RPS6: variants seen among roughly 807,000 people sequenced by gnomAD.
The protein encoded by RPS6 is small ribosomal subunit protein eS6.
Under a neutral mutation model 27.1 loss-of-function variants are expected in RPS6, and 1 was observed. The observed-to-expected ratio is 0.04, with a 90% CI of 0.01 to 0.18. The LOEUF (loss-of-function observed/expected upper bound fraction) is 0.18, where lower values mean the gene tolerates loss of function less well. Ranked by LOEUF, RPS6 falls within the 10% of genes least tolerant of loss-of-function variation. The probability of loss-of-function intolerance (pLI) is 1.00; values close to 1 mark genes in which losing one functional copy is unlikely to be tolerated. For synonymous variants in RPS6, 152 were observed against 106.0 expected (o/e 1.43, Z -2.66); for missense variants, 259 against 319.1 (o/e 0.81, Z 1.44).
chr9:19,378,585 G>T (rs1829627568), intron 3 of RPS6, 71 bp from the exon 4 acceptor site: 2 of 1,587,568 alleles, frequency 1.3e-6, no homozygotes, highest in East Asian at 4.5e-5. Context: ...AATGTTTAAT[G>T]TTGAATTGAT....
At position 19,378,922 on chromosome 9, in the gene RPS6, C is replaced by G; in HGVS notation, c.139-4G>C. On this transcript the variant is annotated splice_region_variant and splice_polypyrimidine_tract_variant and intron_variant, in intron 2 of 5. Coordinates refer to ENST00000380394, the MANE Select transcript of RPS6 (RefSeq NM_001010.3). ...CACTGATTCGGACCACATAACCCTG[C>G]AAGAGCATACAATGAATGACACATT... is the stretch of plus-strand genomic sequence containing the variant. 1 of 1,613,402 alleles carries G rather than the reference C, an allele frequency of 6.2e-7. No individual in the cohort carries two copies. Among genetic ancestry groups the G allele is most frequent in the African/African-American group, 1.3e-5 (1 of 75,038 alleles).
intron 5 of RPS6, 32 bp downstream of exon 5, chr9:19,376,462 C>G (rs781663589): frequency 6.2e-7 from 1 of 1,610,634 alleles, no homozygotes. Flanking sequence ...AGGTCGAACT[C>G]CTCCCACCCC....
In RPS6 at chr9:19,375,849, C is replaced by G. The variant is rs41270109; in HGVS notation, c.*444G>C. 430 of 114,170 alleles carry G rather than the reference C, an allele frequency of 3.8e-3. No homozygotes were observed. The highest frequency in any genetic ancestry group is 5.7e-3 in the Non-Finnish European group (327 of 57,186). The allele number at this position is 114,170 out of a possible 1,614,324, so 7.1% of individuals were successfully genotyped here. Reference sequence around the variant, plus strand: ...AAAACCATTTAGTGGATGGTATCCACTAAAACTAGGTATCCACTAAAACTA... The same window carrying G: ...AAAACCATTTAGTGGATGGTATCCAGTAAAACTAGGTATCCACTAAAACTA... On this transcript the variant is annotated 3_prime_UTR_variant, in exon 6 of 6. Coordinates refer to ENST00000380394, the MANE Select transcript of RPS6 (RefSeq NM_001010.3).
In RPS6 at chr9:19,375,836, T is replaced by C. The variant is rs1829564014; in HGVS notation, c.*457A>G. The C allele has an allele frequency of 6.6e-6, 1 of 152,274 alleles. No homozygotes were observed. The highest frequency in any genetic ancestry group is 6.5e-5 in the Admixed American group (1 of 15,274). 9.4% of individuals were successfully genotyped at this position (152,274 alleles called of 1,614,324 possible). A position where few individuals can be genotyped will look rare whatever the true frequency, so the allele number is the denominator to read the frequency against. ...TTGAAATGGCTTAAAAACCATTTAG[T>C]GGATGGTATCCACTAAAACTAGGTA... On this transcript the variant is annotated 3_prime_UTR_variant, in exon 6 of 6. Transcript: ENST00000380394.
intron 1 of RPS6, chr9:19,379,894 C>T (rs1829650622): frequency 7.0e-7 from 1 of 1,423,604 alleles, no homozygotes; most frequent in East Asian, 2.6e-5. Context: ...GCAAGAAAGC[C>T]GGGGTCAAGA....
intron 4 of RPS6, 41 bp downstream of exon 4, chr9:19,378,327 T>C (rs775150456): frequency 3.8e-6 from 6 of 1,599,878 alleles, no homozygotes; most frequent in Non-Finnish European, 5.1e-6. Flanking sequence ...ATAGACAAAT[T>C]ACCAAAATTA....
In RPS6 at chr9:19,380,197, T is replaced by C. The variant is rs200083793; in HGVS notation, c.-2A>G. ...CTCGCCACCATCACCTACCTTCATCTTGAAGCAGCTGAACGCCTCCGAGGC... is the reference window on the plus strand; with the variant it reads ...CTCGCCACCATCACCTACCTTCATCCTGAAGCAGCTGAACGCCTCCGAGGC... On this transcript the variant is annotated 5_prime_UTR_variant, in exon 1 of 6. Coordinates refer to ENST00000380394, the MANE Select transcript of RPS6 (RefSeq NM_001010.3). The C allele has an allele frequency of 1.9e-6, 3 of 1,613,332 alleles. No homozygotes were observed. The highest frequency in any genetic ancestry group is 1.7e-5 in the Admixed American group (1 of 60,012).
chr9:19,376,632 T>C lies in RPS6; in HGVS notation c.516A>G (p.Lys172=). 1 of 1,612,742 alleles carries C rather than the reference T, an allele frequency of 6.2e-7. No homozygotes were observed. The highest frequency in any genetic ancestry group is 8.5e-7 in the Non-Finnish European group (1 of 1,179,720). Residue 172 remains lysine (K), a synonymous_variant, in exon 5 of 6, where the codon AAA becomes AAG. Coordinates refer to ENST00000380394, the MANE Select transcript of RPS6 (RefSeq NM_001010.3). Reference sequence around the variant, plus strand: ...TAACAAGACGCTGAATCTTGGGTGCTTTGGTCCTAGGTTTCTTACCTAAAA... The same window carrying C: ...TAACAAGACGCTGAATCTTGGGTGCCTTGGTCCTAGGTTTCTTACCTAAAA... ...LNKEGKKPRT[K]APKIQRLVTP...
Position 19,379,572 on chromosome 9 carries a change from A to T in RPS6, c.53T>A (p.Val18Glu), listed in dbSNP as rs1829645065. ...AGTACGAAGTTTGCGTTCATCGTCC[A>T]CTTCAATGAGTTTCTGGCAGCCAGT... is the stretch of plus-strand genomic sequence containing the variant. ...PATGCQKLIEVDDERKLRTFY... is the reference protein window; with the variant it reads ...PATGCQKLIEEDDERKLRTFY... Residue 18 changes from valine to glutamate, a missense_variant, in exon 2 of 6, where the codon GTG becomes GAG. Physicochemically the swap from Val to Glu is moderately radical, Grantham distance 121. Around this residue, in one of 3 missense-constraint regions of RPS6, gnomAD observed 65 missense variants for 66.6 expected, o/e 0.98. Transcript: ENST00000380394. 1 of 1,614,036 alleles carries T rather than the reference A, an allele frequency of 6.2e-7. No homozygotes were observed. Among genetic ancestry groups the T allele is most frequent in the Non-Finnish European group, 8.5e-7 (1 of 1,180,042 alleles).
Position 19,379,577 on chromosome 9 carries a change from A to T in RPS6, c.48T>A (p.Ile16=). Residue 16 remains isoleucine, a synonymous_variant, in exon 2 of 6, where the codon ATT becomes ATA. Transcript: ENST00000380394. ...SFPATGCQKL[I]EVDDERKLRT... Reference sequence around the variant, plus strand: ...GAAGTTTGCGTTCATCGTCCACTTCAATGAGTTTCTGGCAGCCAGTGGCTG... The same window carrying T: ...GAAGTTTGCGTTCATCGTCCACTTCTATGAGTTTCTGGCAGCCAGTGGCTG... The T allele has an allele frequency of 6.2e-7, 1 of 1,614,198 alleles. No homozygotes were observed. The highest frequency in any genetic ancestry group is 8.5e-7 in the Non-Finnish European group (1 of 1,180,034).
intron 1 of RPS6, chr9:19,379,904 AG>A: frequency 7.0e-7 from 1 of 1,426,460 alleles, no homozygotes; most frequent in South Asian, 1.5e-5. Context: ...CGGGGTCAAG[AG>A]CCGCACCACA....
Position 19,376,099 on chromosome 9 carries a change from CCCTGTACACTGA to C in RPS6, c.*182_*193del. 1 of 517,074 alleles carries C rather than the reference CCCTGTACACTGA, an allele frequency of 1.9e-6. No individual in the cohort carries two copies. Among genetic ancestry groups the C allele is most frequent in the Non-Finnish European group, 3.4e-6 (1 of 294,950 alleles). 32.0% of individuals were successfully genotyped at this position (517,074 alleles called of 1,614,324 possible). On this transcript the variant is annotated 3_prime_UTR_variant, in exon 6 of 6. Coordinates refer to ENST00000380394, the MANE Select transcript of RPS6 (RefSeq NM_001010.3). Reference sequence around the variant, plus strand: ...GTGCCACCCATCCCCTGAAAGGAACCCCTGTACACTGACCTTGTCTTCCACTACCACACACAA... The same window carrying C: ...GTGCCACCCATCCCCTGAAAGGAACCCCTTGTCTTCCACTACCACACACAA...
chr9:19,379,828 G>A lies in RPS6; in HGVS notation c.7-210C>T, dbSNP rs371732122. 4.0e-4 allele frequency: 565 copies of A among 1,425,514 alleles called. 6 individuals are homozygous for A. In the East Asian group the frequency reaches 0.011, roughly 29 times the overall value. 88.3% of individuals were successfully genotyped at this position (1,425,514 alleles called of 1,614,324 possible). A position where few individuals can be genotyped will look rare whatever the true frequency, so the allele number is the denominator to read the frequency against. On this transcript the variant is annotated intron_variant, in intron 1 of 5. Transcript: ENST00000380394. ...ACTCAGCAGGACGTTTTCCCCTCAAGCCCCGCGGAATGACTCTGGGGGCGA... is the reference window on the plus strand; with the variant it reads ...ACTCAGCAGGACGTTTTCCCCTCAAACCCCGCGGAATGACTCTGGGGGCGA...
intron 5 of RPS6, 41 bp downstream of exon 5, chr9:19,376,453 G>GGTCGAACTC: frequency 1.2e-6 from 2 of 1,612,542 alleles, no homozygotes; most frequent in Non-Finnish European, 1.7e-6. Context: ...TCCAAAGCCA[G>GGTCGAACTC]GTCGAACTCC....
At chr9:19,379,888 G>A in intron 1 of RPS6, 2 of 1,423,628 alleles carry the variant, frequency 1.4e-6, no homozygotes, top group Non-Finnish European at 1.8e-6. Flanking sequence ...CCCGAAGCAA[G>A]AAAGCCGGGG....
intron 4 of RPS6, 67 bp from the exon 5 acceptor site, chr9:19,376,718 C>T: frequency 6.7e-7 from 1 of 1,486,722 alleles, no homozygotes; most frequent in East Asian, 2.3e-5. Context: ...ACTTTAAAAA[C>T]ATCAGAAATA....
intron 4 of RPS6, among the ~76,000 whole-genome samples, chr9:19,377,750 T>C (rs1453225245): frequency 2.0e-5 from 3 of 152,218 alleles, no homozygotes; most frequent in Non-Finnish European, 4.4e-5. Flanking sequence ...TAACACCTGC[T>C]CCCTAGTATT....
At position 19,376,559 on chromosome 9, in the gene RPS6, G is replaced by T. The variant is rs781675817; in HGVS notation, c.589C>A (p.Gln197Lys). The stretch of plus-strand genomic sequence containing the variant: ...TCTTCTTTATTTTTCTTGGTACGCT[G>T]CTTCTTCAGAGCAATACGCCGCCGT... ...HKRRRIALKK[Q>K]RTKKNKEEAA... Residue 197 changes from glutamine to lysine, a missense_variant, in exon 5 of 6, where the codon CAG becomes AAG. By Grantham distance (53) the Gln-to-Lys change is moderately conservative (BLOSUM62 1). Coordinates refer to ENST00000380394, the MANE Select transcript of RPS6 (RefSeq NM_001010.3). The T allele has an allele frequency of 6.2e-7, 1 of 1,614,044 alleles. No homozygotes were observed. The highest frequency in any genetic ancestry group is 2.2e-5 in the East Asian group (1 of 44,880).
chr9:19,379,095 T>G (rs1829636742), intron 2 of RPS6, 177 bp from the exon 3 acceptor site: 2 of 777,410 alleles, frequency 2.6e-6, no homozygotes, highest in Non-Finnish European at 4.0e-6. Flanking sequence ...ACTTGTCAAG[T>G]TCAATTATCA....
Sources: allele counts gnomAD v4.1 joint callset (sites outside exome capture counted in the v4.1 genomes callset), GRCh38; gene constraint gnomAD v4.1.1; regional missense constraint gnomAD v4.1.1; transcripts MANE v1.5; gene names NCBI Gene and HGNC (gene_info 2026-07-23, HGNC 2026-07-21).